The following RPH3A variants were observed in gnomAD, a reference collection of about 807,000 sequenced individuals.
RPH3A encodes rabphilin-3A.
In RPH3A, 48 loss-of-function variants were observed where a neutral mutation model predicts 102.2. The ratio of observed to expected loss-of-function variants is 0.47; its 90% CI spans 0.37 to 0.60. RPH3A has a LOEUF of 0.60. Ranked by LOEUF, RPH3A falls within the 20% of genes least tolerant of loss-of-function variation. RPH3A has a pLI of 0.00. For synonymous variants in RPH3A, 310 were observed against 324.3 expected (o/e 0.96, Z 0.47); for missense variants, 781 against 910.1 (o/e 0.86, Z 1.83).
chr12:112,893,894 C>G (rs1233403649), intron 19 of RPH3A: 2 of 152,200 alleles, frequency 1.3e-5, no homozygotes, highest in Non-Finnish European at 2.9e-5. Context: ...GGAAAAGAGC[C>G]CTGTAGGCAG....
chr12:112,827,175 A>G (rs1236421674), intron 2 of RPH3A, among the ~76,000 whole-genome samples: 1 of 152,152 alleles, frequency 6.6e-6, no homozygotes, highest in Non-Finnish European at 1.5e-5. Flanking sequence ...TCAACTTTAG[A>G]ATATTTTCAC....
chr12:112,709,377 C>T (rs2040444874), intron 1 of RPH3A, among the ~76,000 whole-genome samples: 1 of 152,010 alleles, frequency 6.6e-6, no homozygotes, highest in African/African-American at 2.4e-5. Flanking sequence ...AAGTGAGACC[C>T]TGTCTCTATA....
chr12:112,850,474 T>C (rs1031365553), intron 5 of RPH3A, among the ~76,000 whole-genome samples: 1 of 152,144 alleles, frequency 6.6e-6, no homozygotes, highest in African/African-American at 2.4e-5. Context: ...CCAGGGGAGC[T>C]TGGGCCAAGT....
intron 3 of RPH3A, among the ~76,000 whole-genome samples, chr12:112,831,294 TC>T (rs1388493775): frequency 6.6e-6 from 1 of 152,052 alleles, no homozygotes; most frequent in African/African-American, 2.4e-5. Flanking sequence ...GTTTACAAAT[TC>T]CATTTTTCTC....
At chr12:112,711,648 T>G (rs1299397080) in intron 1 of RPH3A, among the ~76,000 whole-genome samples, 1 of 152,176 alleles carries the variant, frequency 6.6e-6, no homozygotes, top group Admixed American at 6.5e-5. Context: ...GCCACGAATT[T>G]GCTTCACTGG....
chr12:112,856,739 A>C (rs2042417797), intron 5 of RPH3A, among the ~76,000 whole-genome samples: 1 of 152,252 alleles, frequency 6.6e-6, no homozygotes, highest in Non-Finnish European at 1.5e-5. Context: ...GATATATAAA[A>C]GCTACAGATT....
At chr12:112,796,655 T>C (rs898388762) in intron 2 of RPH3A, among the ~76,000 whole-genome samples, 6 of 152,254 alleles carry the variant, frequency 3.9e-5, no homozygotes, top group Admixed American at 3.9e-4. Context: ...GACAGGCCTC[T>C]CTCTCTTCCT....
chr12:112,821,605 C>T (rs1018169085), intron 2 of RPH3A, among the ~76,000 whole-genome samples: 4 of 152,192 alleles, frequency 2.6e-5, no homozygotes, highest in African/African-American at 9.7e-5. Context: ...GGTCTTTGCT[C>T]AAATAGCATC....
intron 19 of RPH3A, chr12:112,893,404 G>A (rs1485014756): frequency 6.6e-6 from 1 of 152,228 alleles, no homozygotes; most frequent in Non-Finnish European, 1.5e-5. Flanking sequence ...TTACGCTCAT[G>A]TTTAAAGTTG....
chr12:112,896,920 G>A lies in RPH3A; in HGVS notation c.*140G>A, dbSNP rs1303624073. On this transcript the variant is annotated 3_prime_UTR_variant, in exon 22 of 22. Transcript: ENST00000389385. ...TCCCTGAGCCTGCCTTTGAGCCCCCGTCACGTTGGGCACTGCTGCCAAAGA... is the reference window on the plus strand; with the variant it reads ...TCCCTGAGCCTGCCTTTGAGCCCCCATCACGTTGGGCACTGCTGCCAAAGA... The A allele has an allele frequency of 8.1e-6, 7 of 863,834 alleles. No individual in the cohort carries two copies. The highest frequency in any genetic ancestry group is 2.7e-5 in the East Asian group (1 of 36,886). The allele number at this position is 863,834 out of a possible 1,614,324, so 53.5% of individuals were successfully genotyped here.
At chr12:112,805,831 A>ATG (rs748944190) in intron 2 of RPH3A, among the ~76,000 whole-genome samples, 1 of 152,226 alleles carries the variant, frequency 6.6e-6, no homozygotes, top group Non-Finnish European at 1.5e-5. Flanking sequence ...TTCATTTGAT[A>ATG]AATATTTATT....
At chr12:112,648,589 A>AAAAAAAAAAAAAAAAAAAAAAAAC (rs2039950431) in intron 1 of RPH3A, among the ~76,000 whole-genome samples, 2 of 131,728 alleles carry the variant, frequency 1.5e-5, no homozygotes, top group Non-Finnish European at 1.6e-5. Flanking sequence ...AAAAAAAAAA[A>AAAAAAAAAAAAAAAAAAAAAAAAC]AAAAAAAAAG....
chr12:112,798,563 T>C (rs1464664194), intron 2 of RPH3A, among the ~76,000 whole-genome samples: 1 of 152,050 alleles, frequency 6.6e-6, no homozygotes, highest in Non-Finnish European at 1.5e-5. Flanking sequence ...AGAGAGATGG[T>C]TTCTCGAAGT....
intron 21 of RPH3A, among the ~76,000 whole-genome samples, chr12:112,896,365 T>C (rs1157199563): frequency 1.3e-5 from 2 of 152,114 alleles, no homozygotes; most frequent in African/African-American, 4.8e-5. Context: ...TAGTGGGAGA[T>C]AAGTTTCAGT....
chr12:112,582,364 G>A lies in RPH3A; in HGVS notation c.-140+7045G>A, dbSNP rs1004983658. 1.8e-4 allele frequency among the ~76,000 whole-genome samples: 26 copies of A among 147,010 alleles called. 5 individuals are homozygous for A. The South Asian group carries it at 6.3e-3, about 35-fold the overall frequency. ...GGGCTTGAGCAATTCTCCCACATCC[G>A]CCTGCCAAAGTGATAGGATTATAGG... is the stretch of plus-strand genomic sequence containing the variant. On this transcript the variant is annotated intron_variant, in intron 1 of 21. Coordinates refer to the RPH3A transcript ENST00000543106.
chr12:112,713,084 T>G (rs1183415005), intron 1 of RPH3A, among the ~76,000 whole-genome samples: 1 of 139,438 alleles, frequency 7.2e-6, no homozygotes, highest in Non-Finnish European at 1.5e-5. Flanking sequence ...TTCTTCTTCT[T>G]CTTCTTCTTC....
Position 112,732,700 on chromosome 12 carries a change from C to T in RPH3A, c.-139-59443C>T, listed in dbSNP as rs536156837. On this transcript the variant is annotated intron_variant, in intron 1 of 21. Coordinates refer to the RPH3A transcript ENST00000543106. Reference sequence around the variant, plus strand: ...AGAGCCCTGGAGCTAGAATGGCCCTCGAGAGGTGTCCTGAGTTGGTTCAAT... The same window carrying T: ...AGAGCCCTGGAGCTAGAATGGCCCTTGAGAGGTGTCCTGAGTTGGTTCAAT... 5.9e-5 allele frequency among the ~76,000 whole-genome samples: 9 copies of T among 152,264 alleles called. No homozygotes were observed. The East Asian group carries it at 9.7e-4, about 16-fold the overall frequency.
At chr12:112,869,495 C>T in intron 8 of RPH3A, 1 of 419,798 alleles carries the variant, frequency 2.4e-6, no homozygotes, top group Non-Finnish European at 4.2e-6. Flanking sequence ...CTCCTTCTTC[C>T]TAGTTCTTCT....
At chr12:112,659,977 G>A (rs894825408) in intron 1 of RPH3A, among the ~76,000 whole-genome samples, 11 of 152,166 alleles carry the variant, frequency 7.2e-5, no homozygotes, top group Non-Finnish European at 1.6e-4. Context: ...ATGGTTTTTA[G>A]AAGCTAGGAT....
Sources: allele counts gnomAD v4.1 joint callset (sites outside exome capture counted in the v4.1 genomes callset), GRCh38; gene constraint gnomAD v4.1.1; transcripts MANE v1.5; gene names NCBI Gene and HGNC (gene_info 2026-07-23, HGNC 2026-07-21).